RASGEF1C: variants seen among roughly 807,000 people sequenced by gnomAD.
RASGEF1C encodes the protein ras-GEF domain-containing family member 1C.
Under a neutral mutation model 58.1 loss-of-function variants are expected in RASGEF1C, and 27 were observed. The observed-to-expected ratio is 0.46, with a 90% CI of 0.34 to 0.64. The LOEUF (loss-of-function observed/expected upper bound fraction) is 0.64, where lower values mean the gene tolerates loss of function less well. Ranked by LOEUF, RASGEF1C falls within the 30% of genes least tolerant of loss-of-function variation. RASGEF1C has a pLI of 0.01. For synonymous variants in RASGEF1C, 243 were observed against 246.3 expected (o/e 0.99, Z 0.13); for missense variants, 502 against 605.1 (o/e 0.83, Z 1.79).
At chr5:180,104,029 A>G (rs1310928657) in intron 12 of RASGEF1C, among the ~76,000 whole-genome samples, 2 of 152,180 alleles carry the variant, frequency 1.3e-5, no homozygotes, top group Admixed American at 6.5e-5. Context: ...GAACCCACTT[A>G]GTCATGACGT....
chr5:180,143,902 G>C lies in RASGEF1C; in HGVS notation c.-6-5844C>G, dbSNP rs1222151335. On this transcript the variant is annotated intron_variant, in intron 1 of 13. Transcript: ENST00000361132. The surrounding 1 kb of genome is among the most constrained non-coding windows in gnomAD (Gnocchi z 4.3). The stretch of plus-strand genomic sequence containing the variant: ...GTCAGAGCGCGTCCTGGGGGCTGGA[G>C]GGATGTTCTCCCTGGGCCAGGTGTG... Among the ~76,000 whole-genome samples, 1 of 152,166 alleles carries C rather than the reference G, an allele frequency of 6.6e-6. No homozygotes were observed. The highest frequency in any genetic ancestry group is 2.4e-5 in the African/African-American group (1 of 41,448).
In RASGEF1C at chr5:180,155,578, G is replaced by T. The variant is rs1314954864; in HGVS notation, c.-6-17520C>A. On this transcript the variant is annotated intron_variant, in intron 1 of 13. Coordinates refer to ENST00000361132, the MANE Select transcript of RASGEF1C (RefSeq NM_175062.4). The surrounding 1 kb of genome is among the most constrained non-coding windows in gnomAD (Gnocchi z 5.2). The stretch of plus-strand genomic sequence containing the variant: ...GAAGCTCTTGTTTCTGATTGCTCAG[G>T]GCCCGGCTTGCAGGCAATCTGTTGG... Among the ~76,000 whole-genome samples the T allele has an allele frequency of 6.6e-6, 1 of 152,016 alleles. No homozygotes were observed. The highest frequency in any genetic ancestry group is 2.4e-5 in the African/African-American group (1 of 41,392).
chr5:180,176,161 G>T (rs1248431108), intron 1 of RASGEF1C, among the ~76,000 whole-genome samples: 1 of 152,202 alleles, frequency 6.6e-6, no homozygotes, highest in Non-Finnish European at 1.5e-5. Context: ...CCTGGTTTGG[G>T]GTCTCTTAGA....
At chr5:180,129,318 G>A (rs1023846631) in intron 4 of RASGEF1C, among the ~76,000 whole-genome samples, 9 of 152,172 alleles carry the variant, frequency 5.9e-5, no homozygotes, top group South Asian at 2.1e-4. Context: ...ACCAGTGGGC[G>A]CCTTCTGCAC....
chr5:180,121,672 CACACACACA>C (rs755212227), intron 6 of RASGEF1C, among the ~76,000 whole-genome samples: 10,084 of 63,518 alleles, frequency 0.16, 426 homozygotes, highest in Admixed American at 0.26. Flanking sequence ...CACACACACA[CACACACACA>C]CCCTCATTAT....
intron 1 of RASGEF1C, among the ~76,000 whole-genome samples, chr5:180,142,977 ATGAGCT>A (rs1766605056): frequency 6.6e-6 from 1 of 152,106 alleles, no homozygotes; most frequent in Admixed American, 6.5e-5. Context: ...TGGCTGAGGC[ATGAGCT>A]TCTGCCTCGG....
chr5:180,128,649 C>T, intron 4 of RASGEF1C, 39 bp from the exon 5 acceptor site: 1 of 1,584,388 alleles, frequency 6.3e-7, no homozygotes, highest in Non-Finnish European at 8.6e-7. Flanking sequence ...ACTGAACACT[C>T]ATCTCTGCAT....
At chr5:180,192,546 A>G (rs1756182141) in intron 1 of RASGEF1C, among the ~76,000 whole-genome samples, 3 of 152,152 alleles carry the variant, frequency 2.0e-5, no homozygotes, top group South Asian at 2.1e-4. Context: ...CATGAAATCT[A>G]TATATATAGA....
intron 1 of RASGEF1C, among the ~76,000 whole-genome samples, chr5:180,161,563 G>A (rs1479985474): frequency 1.3e-5 from 2 of 152,246 alleles, no homozygotes; most frequent in Non-Finnish European, 2.9e-5. Context: ...CCAGCCCAGG[G>A]AGGGCAGATG....
chr5:180,206,624 G>T (rs149995356), intron 1 of RASGEF1C, among the ~76,000 whole-genome samples: 1 of 152,082 alleles, frequency 6.6e-6, no homozygotes, highest in Non-Finnish European at 1.5e-5. Flanking sequence ...CAATATAGGT[G>T]CAAAGTTATC....
intron 1 of RASGEF1C, among the ~76,000 whole-genome samples, chr5:180,139,994 G>T (rs981438486): frequency 1.3e-5 from 2 of 152,236 alleles, no homozygotes; most frequent in Non-Finnish European, 2.9e-5. Context: ...GCCTCTGCAG[G>T]ATGGTGGGAG....
chr5:180,134,424 G>A (rs1024053095), intron 4 of RASGEF1C, among the ~76,000 whole-genome samples: 1 of 151,406 alleles, frequency 6.6e-6, no homozygotes, highest in Non-Finnish European at 1.5e-5. Flanking sequence ...CTCCAACATC[G>A]GGCAGGACAA....
rs531153987 is a variant in RASGEF1C, at chr5:180,161,414, G to T, written c.-6-23356C>A. ...TGGCCCTAGCCCCGCGCAGCCCTGC[G>T]GCAGCCCCGGCGACACGAGGAGCCA... is the stretch of plus-strand genomic sequence containing the variant. On this transcript the variant is annotated intron_variant, in intron 1 of 13. Coordinates refer to ENST00000361132, the MANE Select transcript of RASGEF1C (RefSeq NM_175062.4). 1.2e-4 allele frequency among the ~76,000 whole-genome samples: 18 copies of T among 152,284 alleles called. No homozygotes were observed. The East Asian group carries it at 2.9e-3, about 25-fold the overall frequency.
chr5:180,137,515 G>A lies in RASGEF1C; in HGVS notation c.300+75C>T. 6.4e-7 allele frequency: 1 copy of A among 1,554,764 alleles called. No individual in the cohort carries two copies. Among genetic ancestry groups the A allele is most frequent in the Non-Finnish European group, 8.7e-7 (1 of 1,150,276 alleles). On this transcript the variant is annotated intron_variant, in intron 3 of 13. Coordinates refer to ENST00000361132, the MANE Select transcript of RASGEF1C (RefSeq NM_175062.4). This position sits in a 1 kb window ranked among gnomAD's most constrained non-coding sequence, Gnocchi z 4.1. ...ACGGGGACAATCATTGCCTCCCCGA[G>A]AGGCTGATGCGTTGAGGGCATGGCA...
chr5:180,173,605 G>A (rs889443991), intron 1 of RASGEF1C, among the ~76,000 whole-genome samples: 1 of 152,218 alleles, frequency 6.6e-6, no homozygotes, highest in African/African-American at 2.4e-5. Context: ...TTTCAAATTT[G>A]GGGGAATGAG....
At chr5:180,120,944 G>T in intron 7 of RASGEF1C, 116 bp downstream of exon 7, 1 of 723,434 alleles carries the variant, frequency 1.4e-6, no homozygotes, top group Admixed American at 2.1e-5. Flanking sequence ...CCTGGCCTTG[G>T]ACTTAGAAAT....
intron 6 of RASGEF1C, among the ~76,000 whole-genome samples, chr5:180,124,628 C>G (rs1407765960): frequency 6.6e-6 from 1 of 151,930 alleles, no homozygotes; most frequent in East Asian, 1.9e-4. Flanking sequence ...AGTTCGGGAA[C>G]AGCCTGACCA....
Position 180,119,458 on chromosome 5 carries a change from G to T in RASGEF1C, c.805-10C>A. 1 of 1,609,702 alleles carries T rather than the reference G, an allele frequency of 6.2e-7. No individual in the cohort carries two copies. Among genetic ancestry groups the T allele is most frequent in the South Asian group, 1.1e-5 (1 of 90,948 alleles). ...GCTTCTTCTTGGCTGGCTGGGGACA[G>T]GGCAGCAGAGCCTCAGTGGTGACAC... On this transcript the variant is annotated splice_polypyrimidine_tract_variant and intron_variant, in intron 7 of 13. Coordinates refer to ENST00000361132, the MANE Select transcript of RASGEF1C (RefSeq NM_175062.4).
chr5:180,131,168 C>G (rs763709820), intron 4 of RASGEF1C, among the ~76,000 whole-genome samples: 1 of 152,184 alleles, frequency 6.6e-6, no homozygotes, highest in Non-Finnish European at 1.5e-5. Flanking sequence ...GAGGTCTGTT[C>G]AAAATGCAAA....
Sources: allele counts gnomAD v4.1 joint callset (sites outside exome capture counted in the v4.1 genomes callset), GRCh38; gene constraint gnomAD v4.1.1; non-coding constraint Gnocchi (gnomAD v3.1); transcripts MANE v1.5; gene names NCBI Gene and HGNC (gene_info 2026-07-23, HGNC 2026-07-21).